ATR: variants seen among roughly 807,000 people sequenced by gnomAD.
ATR encodes the protein ATR checkpoint kinase.
ATR carries 142 observed loss-of-function variants against 305.3 expected under a neutral mutation model. The ratio of observed to expected loss-of-function variants is 0.47; its 90% confidence interval spans 0.41 to 0.53. The LOEUF is 0.53. Among genes scored for constraint, ATR ranks in the 20% least tolerant of loss-of-function variants. ATR has a pLI of 0.00. For synonymous variants in ATR, 1,050 were observed against 1,068.1 expected (o/e 0.98, Z 0.33); for missense variants, 2,135 against 3,133.1 (o/e 0.68, Z 7.60).
At chr3:142,499,775 G>A (rs2031857055) in intron 30 of ATR, 57 bp from the exon 31 acceptor site, 3 of 1,430,498 alleles carry the variant, frequency 2.1e-6, no homozygotes, top group Non-Finnish European at 3.0e-6. Flanking sequence ...GACATTCAGA[G>A]ATTTTTCATT....
chr3:142,533,874 C>T (rs771971826), intron 21 of ATR, among the ~76,000 whole-genome samples: 43 of 152,092 alleles, frequency 2.8e-4, no homozygotes, highest in Non-Finnish European at 4.7e-4. Flanking sequence ...AAGGAAGTTG[C>T]CACATATGAT....
At chr3:142,450,033 A>G (rs2070753251) in intron 46 of ATR, 2 of 297,924 alleles carry the variant, frequency 6.7e-6, no homozygotes, top group Non-Finnish European at 1.3e-5. Flanking sequence ...TTTCTTAAGC[A>G]TATCTGAATG....
intron 38 of ATR, among the ~76,000 whole-genome samples, chr3:142,468,286 GAAAT>G (rs2071178031): frequency 6.6e-6 from 1 of 152,020 alleles, no homozygotes; most frequent in African/African-American, 2.4e-5. Flanking sequence ...CTGCCCTGGA[GAAAT>G]AATTACAAGT....
chr3:142,482,799 T>A (rs753254908), intron 36 of ATR, among the ~76,000 whole-genome samples: 2 of 150,630 alleles, frequency 1.3e-5, no homozygotes, highest in South Asian at 4.2e-4. Flanking sequence ...TGTACTGCAC[T>A]CCTGCCTCAG....
intron 19 of ATR, among the ~76,000 whole-genome samples, chr3:142,536,425 C>T (rs956196315): frequency 1.3e-5 from 2 of 152,168 alleles, no homozygotes; most frequent in Admixed American, 1.3e-4. Flanking sequence ...CTACAATAAA[C>T]CATGCTTCTC....
chr3:142,573,171 C>T (rs572466010), intron 1 of ATR, among the ~76,000 whole-genome samples: 3 of 152,056 alleles, frequency 2.0e-5, no homozygotes, highest in South Asian at 2.1e-4. Context: ...AAGGGCCAGG[C>T]GTGGTGGCTC....
intron 36 of ATR, among the ~76,000 whole-genome samples, chr3:142,474,659 A>G (rs1030412449): frequency 6.6e-6 from 1 of 152,176 alleles, no homozygotes; most frequent in Non-Finnish European, 1.5e-5. Context: ...ATATAAAATC[A>G]TGTCGTCTGC....
chr3:142,534,540 T>A (rs972342841), intron 21 of ATR, among the ~76,000 whole-genome samples: 1 of 152,136 alleles, frequency 6.6e-6, no homozygotes, highest in Admixed American at 6.5e-5. Context: ...TCCGTTAAAT[T>A]TTTTCCAATT....
chr3:142,451,683 G>T, intron 46 of ATR: 1 of 1,198,080 alleles, frequency 8.3e-7, no homozygotes. Flanking sequence ...GGGGTCAAGT[G>T]ATCCTCCCAC....
intron 30 of ATR, among the ~76,000 whole-genome samples, chr3:142,500,849 T>C (rs2031920367): frequency 6.6e-6 from 1 of 152,110 alleles, no homozygotes. Flanking sequence ...AATTTCAGGA[T>C]AAAAATCTCA....
At position 142,459,049 on chromosome 3, in the gene ATR, A is replaced by G. The variant is rs200700656; in HGVS notation, c.7412T>C (p.Leu2471Pro). 1 of 1,614,074 alleles carries G rather than the reference A, an allele frequency of 6.2e-7. No homozygotes were observed. Among genetic ancestry groups the G allele is most frequent in the East Asian group, 2.2e-5 (1 of 44,874 alleles). Residue 2471 changes from leucine (L) to proline (P), a missense_variant, in exon 44 of 47, where the codon CTG becomes CCG. By Grantham distance (98) the Leu-to-Pro change is moderately conservative. Transcript: ENST00000350721. Reference sequence around the variant, plus strand: ...TTCACCATGACGGTCTCCAAGCCCCAGAATATAACCAACCATTGACATTAC... The same window carrying G: ...TTCACCATGACGGTCTCCAAGCCCCGGAATATAACCAACCATTGACATTAC... Reference protein sequence around the residue: ...TAVMSMVGYILGLGDRHGENI... With the variant: ...TAVMSMVGYIPGLGDRHGENI...
intron 23 of ATR, 120 bp from the exon 24 acceptor site, chr3:142,519,904 G>T: frequency 1.2e-6 from 1 of 808,308 alleles, no homozygotes; most frequent in South Asian, 1.5e-5. Context: ...ATTGCACTTC[G>T]CTTTATTTAT....
At chr3:142,529,612 A>G (rs548628687) in intron 21 of ATR, among the ~76,000 whole-genome samples, 1 of 152,308 alleles carries the variant, frequency 6.6e-6, no homozygotes, top group Non-Finnish European at 1.5e-5. Flanking sequence ...GGAAGGGATC[A>G]CTTGTGAAAA....
rs1293068025 is a variant in ATR, at chr3:142,553,409, AAAC to A, written c.2634-14_2634-12del. 1.9e-5 allele frequency: 31 copies of A among 1,610,708 alleles called. No homozygotes were observed. The highest frequency in any genetic ancestry group is 2.5e-5 in the Non-Finnish European group (30 of 1,177,980). ...TCTCCTTTTGCGGCCCTAAAATTAA[AAAC>A]AACATACATATGAATACACAAACAC... On this transcript the variant is annotated splice_polypyrimidine_tract_variant and intron_variant, in intron 12 of 46. Transcript: ENST00000350721.
At chr3:142,542,619 T>A (rs755959213) in intron 17 of ATR, 46 bp downstream of exon 17, 2 of 1,468,936 alleles carry the variant, frequency 1.4e-6, no homozygotes, top group Non-Finnish European at 1.9e-6. Flanking sequence ...TTTATCTATA[T>A]TCTGTATGAA....
chr3:142,547,648 T>C (rs2034319512), intron 16 of ATR, 77 bp downstream of exon 16: 5 of 1,493,846 alleles, frequency 3.3e-6, no homozygotes, highest in Middle Eastern at 1.7e-4. Context: ...ACCAAAAATA[T>C]GATTTCTTCA....
At chr3:142,539,067 A>G (rs1051685303) in intron 18 of ATR, among the ~76,000 whole-genome samples, 2 of 152,182 alleles carry the variant, frequency 1.3e-5, no homozygotes, top group African/African-American at 4.8e-5. Context: ...AAAAGTTTTA[A>G]AGAAACTGAA....
At chr3:142,499,802 TTATTA>T in intron 30 of ATR, 84 bp from the exon 31 acceptor site, 2 of 1,038,978 alleles carry the variant, frequency 1.9e-6, no homozygotes, top group Admixed American at 4.0e-5. Flanking sequence ...CATACTCTAT[TTATTA>T]TATTTATTGA....
intron 13 of ATR, among the ~76,000 whole-genome samples, chr3:142,550,560 C>G (rs2034437713): frequency 6.6e-6 from 1 of 152,250 alleles, no homozygotes; most frequent in African/African-American, 2.4e-5. Context: ...TTTAGCATAA[C>G]CTAACTTTTC....
Sources: gnomAD v4.1 joint callset for allele counts (sites outside exome capture counted in the v4.1 genomes callset) on GRCh38, gnomAD v4.1.1 for gene constraint, MANE v1.5 for transcripts, NCBI Gene and HGNC (gene_info 2026-07-23, HGNC 2026-07-21) for gene names.